The following PHF14 variants were observed in gnomAD, a reference collection of about 807,000 sequenced individuals.
The protein encoded by PHF14 is PHD finger protein 14.
A neutral mutation model predicts 117.9 loss-of-function variants in PHF14; 55 were observed. That is an observed-to-expected ratio of 0.47 (90% CI 0.38 to 0.58). The LOEUF (loss-of-function observed/expected upper bound fraction) is 0.58. Ranked by LOEUF, PHF14 falls within the 20% of genes least tolerant of loss-of-function variation. PHF14 has a pLI of 0.00. For synonymous variants in PHF14, 409 were observed against 368.6 expected, an observed-to-expected ratio of 1.11 and a Z score of -1.26; for missense variants, 978 against 1,122.2, an observed-to-expected ratio of 0.87 and a Z score of 1.84.
intron 16 of PHF14, among the ~76,000 whole-genome samples, chr7:11,079,183 A>C (rs1785983124): frequency 6.6e-6 from 1 of 152,178 alleles, no homozygotes; most frequent in Admixed American, 6.5e-5. Context: ...TTTCAAAAGG[A>C]GCTTCTTCTA....
At chr7:11,102,560 A>T (rs1363121758) in intron 16 of PHF14, 6 of 1,608,536 alleles carry the variant, frequency 3.7e-6, no homozygotes, top group Non-Finnish European at 4.2e-6. Context: ...TATAAGTGTG[A>T]TTTTAAAAAT....
Position 11,040,673 on chromosome 7 carries a change from A to C in PHF14, c.2078A>C (p.Lys693Thr). The change falls in exon 12 of 18, where the codon AAG becomes ACG. Residue 693 changes from lysine (K) to threonine (T), a missense_variant and splice_region_variant. Coordinates refer to ENST00000634607, the MANE Select transcript of PHF14 (RefSeq NM_001007157.2). ...WALLGRITGQ[K>T]LNIPAILRAP... ...TACTACATTTGTTCAAATCAATAGA[A>C]GTTGAATATACCGGCAATTTTGCGA... The C allele has an allele frequency of 6.6e-7, 1 of 1,516,986 alleles. No individual in the cohort carries two copies. Among genetic ancestry groups the C allele is most frequent in the East Asian group, 2.4e-5 (1 of 41,528 alleles). 94.0% of individuals were successfully genotyped at this position (1,516,986 alleles called of 1,614,324 possible).
chr7:11,095,180 C>T (rs993656150), intron 16 of PHF14, among the ~76,000 whole-genome samples: 3 of 152,272 alleles, frequency 2.0e-5, no homozygotes, highest in Middle Eastern at 6.8e-3. Context: ...TTACCACAAC[C>T]ATATGCCAAG....
chr7:11,039,805 TTAG>T (rs1232663532), intron 11 of PHF14, among the ~76,000 whole-genome samples: 1 of 152,130 alleles, frequency 6.6e-6, no homozygotes, highest in African/African-American at 2.4e-5. Context: ...AAGGTGAGAA[TTAG>T]TAGTCGCCTC....
intron 14 of PHF14, among the ~76,000 whole-genome samples, chr7:11,055,062 AT>A (rs1784973514): frequency 6.6e-6 from 1 of 152,074 alleles, no homozygotes. Context: ...CATTCTTCTT[AT>A]GTTTCATCAG....
intron 17 of PHF14, among the ~76,000 whole-genome samples, chr7:11,122,352 T>TATATATATATACACACACACACAC: frequency 3.0e-5 from 2 of 65,870 alleles, no homozygotes; most frequent in African/African-American, 1.5e-4. Context: ...TATATATATA[T>TATATATATATACACACACACACAC]ACACACACAC....
chr7:11,118,849 A>C (rs1787672596), intron 17 of PHF14, among the ~76,000 whole-genome samples: 1 of 151,866 alleles, frequency 6.6e-6, no homozygotes, highest in Non-Finnish European at 1.5e-5. Context: ...TTCCTTAAGC[A>C]TCATTTTGAA....
intron 17 of PHF14, among the ~76,000 whole-genome samples, chr7:11,139,988 C>T (rs1583496097): frequency 6.6e-6 from 1 of 152,038 alleles, no homozygotes; most frequent in East Asian, 1.9e-4. Flanking sequence ...CAGTAACTTC[C>T]AGAGGTCTTT....
At position 10,994,678 on chromosome 7, in the gene PHF14, T is replaced by G. The variant is rs186051303; in HGVS notation, c.1045+3831T>G. Among the ~76,000 whole-genome samples, 290 of 152,214 alleles carry G rather than the reference T, an allele frequency of 1.9e-3. 1 individual carries two copies. The highest frequency in any genetic ancestry group is 3.4e-3 in the Non-Finnish European group (233 of 68,000). ...AGCTGTGGATCCTCGCGGTGAGTGTTAACAGTTTTTAAAGGCGGCGTGTCC... is the reference window on the plus strand; with the variant it reads ...AGCTGTGGATCCTCGCGGTGAGTGTGAACAGTTTTTAAAGGCGGCGTGTCC... On this transcript the variant is annotated intron_variant, in intron 4 of 17. Coordinates refer to ENST00000634607, the MANE Select transcript of PHF14 (RefSeq NM_001007157.2).
chr7:10,991,589 C>A (rs1041645568), intron 4 of PHF14, among the ~76,000 whole-genome samples: 2 of 151,840 alleles, frequency 1.3e-5, no homozygotes, highest in East Asian at 3.9e-4. Flanking sequence ...GGATTACAGG[C>A]GTAAGCCACC....
At chr7:11,099,549 T>C (rs1327954568) in intron 16 of PHF14, among the ~76,000 whole-genome samples, 1 of 152,102 alleles carries the variant, frequency 6.6e-6, no homozygotes, top group African/African-American at 2.4e-5. Flanking sequence ...TTCTGTAAGA[T>C]TTGTTTTTGC....
At chr7:11,110,602 C>G (rs1787412945) in intron 16 of PHF14, 2 of 781,156 alleles carry the variant, frequency 2.6e-6, no homozygotes, top group Non-Finnish European at 3.1e-6. Flanking sequence ...AAGACACTAT[C>G]AAAACATAAG....
intron 17 of PHF14, among the ~76,000 whole-genome samples, chr7:11,148,415 C>A (rs900399971): frequency 4.6e-5 from 7 of 152,138 alleles, no homozygotes; most frequent in Non-Finnish European, 8.8e-5. Flanking sequence ...CCTGTACATT[C>A]TCTTCTCACA....
At chr7:11,004,024 G>A (rs1782979004) in intron 4 of PHF14, among the ~76,000 whole-genome samples, 1 of 152,074 alleles carries the variant, frequency 6.6e-6, no homozygotes, top group African/African-American at 2.4e-5. Flanking sequence ...GAGGTGGGTG[G>A]ATCGCTTGAG....
At chr7:11,080,144 A>T (rs1786035369) in intron 16 of PHF14, among the ~76,000 whole-genome samples, 1 of 152,178 alleles carries the variant, frequency 6.6e-6, no homozygotes, top group African/African-American at 2.4e-5. Context: ...GTGTAGTTGG[A>T]TAGAGGAAGT....
Position 11,051,777 on chromosome 7 carries a change from C to T in PHF14, c.2478C>T (p.Asn826=). The T allele has an allele frequency of 6.2e-7, 1 of 1,612,336 alleles. No homozygotes were observed. Among genetic ancestry groups the T allele is most frequent in the Non-Finnish European group, 8.5e-7 (1 of 1,178,882 alleles). The change falls in exon 14 of 18, where the codon AAC becomes AAT. Residue 826 remains asparagine (N), a synonymous_variant. Coordinates refer to ENST00000634607, the MANE Select transcript of PHF14 (RefSeq NM_001007157.2). ...AACCCAAGAAGATTCCGATAAGAAA[C>T]ACGGTAGTTTATTTTTTATTTATCA... is the stretch of plus-strand genomic sequence containing the variant. The part of the protein sequence containing the change: ...PPEPKKIPIR[N]TRTRGRKRSF...
chr7:10,982,155 T>G (rs1782064495), intron 2 of PHF14, among the ~76,000 whole-genome samples: 1 of 152,242 alleles, frequency 6.6e-6, no homozygotes, highest in Non-Finnish European at 1.5e-5. Context: ...TATATTCATC[T>G]TCATTAGCAC....
At chr7:10,985,636 C>CCGGTTTTTTTTTTTTTTTTTTTTTT (rs750860479) in intron 3 of PHF14, among the ~76,000 whole-genome samples, 4 of 90,860 alleles carry the variant, frequency 4.4e-5, no homozygotes, top group East Asian at 8.2e-4. Flanking sequence ...GATTCTCAAA[C>CCGGTTTTTTTTTTTTTTTTTTTTTT]TGTTTTTTTT....
At chr7:11,081,694 A>G (rs1366220647) in intron 16 of PHF14, among the ~76,000 whole-genome samples, 2 of 151,500 alleles carry the variant, frequency 1.3e-5, no homozygotes, top group Admixed American at 1.3e-4. Flanking sequence ...GTCTCTAGTA[A>G]AAATACAAAA....
Sources: gnomAD v4.1 joint callset for allele counts (sites outside exome capture counted in the v4.1 genomes callset) on GRCh38, gnomAD v4.1.1 for gene constraint, MANE v1.5 for transcripts, NCBI Gene and HGNC (gene_info 2026-07-23, HGNC 2026-07-21) for gene names.